LINGO2: variants seen among roughly 807,000 people sequenced by gnomAD.
The protein encoded by LINGO2 is leucine rich repeat and Ig domain containing 2, also known as leucine-rich repeat and immunoglobulin-like domain-containing nogo receptor-interacting protein 2.
In LINGO2, 14 loss-of-function variants were observed where a neutral mutation model predicts 30.6. The observed-to-expected ratio is 0.46, with a 90% CI of 0.30 to 0.72. The LOEUF (loss-of-function observed/expected upper bound fraction) is 0.72. LINGO2 is among the 30% of genes least tolerant of loss of function. The pLI is 0.07. For synonymous variants in LINGO2, 317 were observed against 288.5 expected, an observed-to-expected ratio of 1.10 and a Z score of -1.00; for missense variants, 729 against 751.7, an observed-to-expected ratio of 0.97 and a Z score of 0.35.
At chr9:28,908,729 G>GT in the LINGO2 span, among the ~76,000 whole-genome samples, 645 of 151,854 alleles carry the variant, frequency 4.2e-3, 5 homozygotes, top group African/African-American at 0.014. Context: ...TTTAAATTAA[G>GT]TTTTTTCTGT....
At chr9:29,030,342 C>T in the LINGO2 span, among the ~76,000 whole-genome samples, 49 of 152,116 alleles carry the variant, frequency 3.2e-4, no homozygotes, top group African/African-American at 1.1e-3. Context: ...TAATTGTAGA[C>T]GTATAGAAAA....
chr9:28,282,676 A>C (rs149652218), intron 4 of LINGO2, among the ~76,000 whole-genome samples: 2 of 152,124 alleles, frequency 1.3e-5, no homozygotes, highest in South Asian at 4.1e-4. Context: ...TTTTGCATCA[A>C]CTATGCCCTG....
At chr9:28,292,809 C>T (rs766095929) in intron 4 of LINGO2, among the ~76,000 whole-genome samples, 3 of 151,752 alleles carry the variant, frequency 2.0e-5, no homozygotes, top group Non-Finnish European at 2.9e-5. Flanking sequence ...CTTGCTTTGT[C>T]GCCCAGGCTG....
rs1278266774 is a variant in LINGO2, at chr9:28,211,593, T to G, written c.-87+83615A>C. Among the ~76,000 whole-genome samples, 4 of 151,460 alleles carry G rather than the reference T, an allele frequency of 2.6e-5. No homozygotes were observed. The Admixed American group carries it at 2.6e-4, about 10-fold the overall frequency. On this transcript the variant is annotated intron_variant, in intron 4 of 5. Transcript: ENST00000379992. ...AATTAACAATGGACAGAGTTATACTTTTTAAAAAGTTATATCTTCTGCAAA... is the reference window on the plus strand; with the variant it reads ...AATTAACAATGGACAGAGTTATACTGTTTAAAAAGTTATATCTTCTGCAAA...
the LINGO2 span, among the ~76,000 whole-genome samples, chr9:29,134,829 A>T: frequency 3.3e-5 from 5 of 152,036 alleles, no homozygotes; most frequent in African/African-American, 1.2e-4. Flanking sequence ...ATATCCTTGA[A>T]CTTACAATGT....
chr9:28,637,284 A>C (rs1588002202), intron 1 of LINGO2, among the ~76,000 whole-genome samples: 2 of 152,284 alleles, frequency 1.3e-5, no homozygotes, highest in African/African-American at 2.4e-5. Flanking sequence ...CTTTTGGCTT[A>C]GGATTGACTT....
intron 4 of LINGO2, among the ~76,000 whole-genome samples, chr9:28,199,552 A>G (rs1820151572): frequency 6.6e-6 from 1 of 152,022 alleles, no homozygotes; most frequent in African/African-American, 2.4e-5. Flanking sequence ...GTTAGCCAGG[A>G]TGGCCTCGAT....
chr9:28,377,305 C>A (rs151208968), intron 2 of LINGO2, among the ~76,000 whole-genome samples: 1 of 152,236 alleles, frequency 6.6e-6, no homozygotes, highest in Non-Finnish European at 1.5e-5. Flanking sequence ...GGATGAAGAC[C>A]TTTATGATGG....
At chr9:29,014,609 T>G in the LINGO2 span, among the ~76,000 whole-genome samples, 1 of 152,152 alleles carries the variant, frequency 6.6e-6, no homozygotes, top group African/African-American at 2.4e-5. Flanking sequence ...ACCCAGTTAA[T>G]ATGGCCTAGA....
At chr9:29,083,978 G>T in the LINGO2 span, among the ~76,000 whole-genome samples, 1 of 151,826 alleles carries the variant, frequency 6.6e-6, no homozygotes, top group Admixed American at 6.6e-5. Flanking sequence ...CATCTACCTG[G>T]TGTACAATCT....
chr9:27,948,851 T>C, exon 6 of LINGO2: 1 of 1,604,664 alleles, frequency 6.2e-7, no homozygotes, highest in Non-Finnish European at 8.5e-7. Context: ...GGGTGGGCCT[T>C]CAAATCATTT....
intron 5 of LINGO2, among the ~76,000 whole-genome samples, chr9:27,969,969 C>A (rs186854407): frequency 6.8e-4 from 103 of 152,260 alleles, no homozygotes; most frequent in African/African-American, 2.3e-3. Flanking sequence ...GTAAATGAAA[C>A]AAGCAGCATT....
intron 5 of LINGO2, among the ~76,000 whole-genome samples, chr9:27,989,449 G>C (rs546580125): frequency 0.18 from 11,658 of 63,716 alleles, 499 homozygotes; most frequent in Non-Finnish European, 0.21. Flanking sequence ...TGCTCTCTGT[G>C]TGTGTGTGTG....
intron 5 of LINGO2, among the ~76,000 whole-genome samples, chr9:27,960,122 A>G (rs955582464): frequency 6.6e-6 from 1 of 152,166 alleles, no homozygotes; most frequent in African/African-American, 2.4e-5. Flanking sequence ...ATATTCAAAT[A>G]TATGAATACA....
chr9:28,309,191 A>C (rs1824501654), intron 3 of LINGO2, among the ~76,000 whole-genome samples: 1 of 152,186 alleles, frequency 6.6e-6, no homozygotes, highest in South Asian at 2.1e-4. Context: ...CCAAATGTCC[A>C]ACGAAGATAG....
At chr9:28,008,500 G>C (rs1243388737) in intron 5 of LINGO2, among the ~76,000 whole-genome samples, 1 of 151,736 alleles carries the variant, frequency 6.6e-6, no homozygotes, top group Non-Finnish European at 1.5e-5. Context: ...AAAAGGAAAA[G>C]ACTCAGATTG....
chr9:28,138,330 G>A (rs1288315825), intron 4 of LINGO2, among the ~76,000 whole-genome samples: 1 of 152,200 alleles, frequency 6.6e-6, no homozygotes, highest in Non-Finnish European at 1.5e-5. Flanking sequence ...AAGAGAAGTA[G>A]CTGAAGACTA....
chr9:28,117,076 C>T (rs1196927578), intron 4 of LINGO2, among the ~76,000 whole-genome samples: 2 of 128,522 alleles, frequency 1.6e-5, no homozygotes, highest in Non-Finnish European at 3.4e-5. Flanking sequence ...TGGTGATGTA[C>T]AGATGGGTTT....
the LINGO2 span, among the ~76,000 whole-genome samples, chr9:29,167,926 G>A: frequency 6.6e-6 from 1 of 152,078 alleles, no homozygotes; most frequent in African/African-American, 2.4e-5. Context: ...CCACTCCACA[G>A]TCGTTAGCTA....
Sources: gnomAD v4.1 joint callset for allele counts (sites outside exome capture counted in the v4.1 genomes callset) on GRCh38, gnomAD v4.1.1 for gene constraint, MANE v1.5 for transcripts, NCBI Gene and HGNC (gene_info 2026-07-23, HGNC 2026-07-21) for gene names.